CHST11: variants seen among roughly 807,000 people sequenced by gnomAD.
CHST11 encodes the protein C4S-1.
Under a neutral mutation model 30.4 loss-of-function variants are expected in CHST11, and 9 were observed. The ratio of observed to expected loss-of-function variants is 0.30; its 90% CI spans 0.18 to 0.52. CHST11 has a LOEUF of 0.52. Among genes scored for constraint, CHST11 ranks in the 20% least tolerant of loss-of-function variants. The probability of loss-of-function intolerance (pLI) is 0.97; values close to 1 mark genes in which losing one functional copy is unlikely to be tolerated. For missense variants in CHST11, 348 were observed against 460.6 expected (o/e 0.76, Z 2.24); for synonymous variants, 152 against 187.8 (o/e 0.81, Z 1.56).
chr12:104,669,131 A>G (rs1592828409), intron 2 of CHST11, among the ~76,000 whole-genome samples: 1 of 152,178 alleles, frequency 6.6e-6, no homozygotes, highest in African/African-American at 2.4e-5. Context: ...GGCTCGCACA[A>G]TCGCCCGCTG....
intron 1 of CHST11, among the ~76,000 whole-genome samples, chr12:104,501,111 T>G (rs2037849537): frequency 6.6e-6 from 1 of 152,164 alleles, no homozygotes; most frequent in Non-Finnish European, 1.5e-5. Flanking sequence ...TTTTTCTGCC[T>G]TATAAAAAAG....
chr12:104,466,124 T>A (rs1767943475), intron 1 of CHST11, among the ~76,000 whole-genome samples: 1 of 152,100 alleles, frequency 6.6e-6, no homozygotes, highest in Admixed American at 6.5e-5. Context: ...CCTCCCAAAA[T>A]GCTAGGATTA....
intron 1 of CHST11, among the ~76,000 whole-genome samples, chr12:104,485,910 G>A (rs888847930): frequency 2.0e-5 from 3 of 152,222 alleles, no homozygotes; most frequent in African/African-American, 7.2e-5. Flanking sequence ...AGGCGGCAGG[G>A]TGATTTAAGG....
At chr12:104,628,172 C>A (rs547971305) in intron 2 of CHST11, among the ~76,000 whole-genome samples, 13 of 152,226 alleles carry the variant, frequency 8.5e-5, no homozygotes, top group African/African-American at 2.9e-4. Context: ...ATCTCAGGGC[C>A]CCGACATTCG....
chr12:104,673,357 G>C (rs1178282073), intron 2 of CHST11, among the ~76,000 whole-genome samples: 4 of 152,174 alleles, frequency 2.6e-5, no homozygotes, highest in African/African-American at 9.7e-5. Flanking sequence ...GATTAACACT[G>C]ACTTGAGGCT....
chr12:104,749,260 C>A (rs905156286), intron 2 of CHST11, among the ~76,000 whole-genome samples: 1 of 152,194 alleles, frequency 6.6e-6, no homozygotes, highest in Non-Finnish European at 1.5e-5. Context: ...TGTGCATGTT[C>A]CTCTCCAAAC....
At chr12:104,469,240 G>A (rs1422402213) in intron 1 of CHST11, among the ~76,000 whole-genome samples, 1 of 152,156 alleles carries the variant, frequency 6.6e-6, no homozygotes, top group Non-Finnish European at 1.5e-5. Flanking sequence ...TCTGTCTGCC[G>A]TACTAACAGG....
Position 104,566,363 on chromosome 12 carries a change from G to A in CHST11, c.119-35543G>A, listed in dbSNP as rs1028877925. On this transcript the variant is annotated intron_variant, in intron 1 of 2. Coordinates refer to ENST00000303694, the MANE Select transcript of CHST11 (RefSeq NM_018413.6). The stretch of plus-strand genomic sequence containing the variant: ...CTCTTTCTTCTAAATTGCATCTAGC[G>A]GTTGGGGTGGGGGGGCGGTCTGCCT... 3.3e-5 allele frequency among the ~76,000 whole-genome samples: 5 copies of A among 152,160 alleles called. No homozygotes were observed. In the South Asian group the frequency reaches 6.2e-4, roughly 19 times the overall value.
intron 1 of CHST11, among the ~76,000 whole-genome samples, chr12:104,531,986 G>T (rs957931785): frequency 1.3e-5 from 2 of 152,204 alleles, no homozygotes; most frequent in Non-Finnish European, 2.9e-5. Context: ...CTTGCCCAGT[G>T]GCTCCTGCTA....
intron 1 of CHST11, among the ~76,000 whole-genome samples, chr12:104,544,145 AG>A (rs58183395): frequency 0.55 from 74,636 of 135,484 alleles, 22,849 homozygotes; most frequent in East Asian, 0.98. Flanking sequence ...AAAAAAAGAA[AG>A]AAAGAAAGAA....
At chr12:104,661,807 G>C (rs1332371349) in intron 2 of CHST11, among the ~76,000 whole-genome samples, 1 of 152,156 alleles carries the variant, frequency 6.6e-6, no homozygotes, top group Non-Finnish European at 1.5e-5. Flanking sequence ...ACCATACCCA[G>C]TGATGGGGTC....
At chr12:104,712,642 C>T (rs2040096792) in intron 2 of CHST11, among the ~76,000 whole-genome samples, 1 of 152,158 alleles carries the variant, frequency 6.6e-6, no homozygotes, top group Non-Finnish European at 1.5e-5. Context: ...CAGCTGTTAA[C>T]CCTCAGAACT....
intron 1 of CHST11, among the ~76,000 whole-genome samples, chr12:104,559,581 A>G (rs2038492668): frequency 6.6e-6 from 1 of 152,050 alleles, no homozygotes; most frequent in African/African-American, 2.4e-5. Context: ...CCTCTCTACT[A>G]AAAATACAAA....
chr12:104,657,871 G>A (rs184538112), intron 2 of CHST11, among the ~76,000 whole-genome samples: 2 of 152,290 alleles, frequency 1.3e-5, no homozygotes, highest in Non-Finnish European at 2.9e-5. Flanking sequence ...CTTGGCTCAA[G>A]CTGGAGCAGG....
intron 1 of CHST11, among the ~76,000 whole-genome samples, chr12:104,586,849 CT>C (rs778882665): frequency 2.0e-5 from 3 of 152,204 alleles, no homozygotes; most frequent in Non-Finnish European, 2.9e-5. Context: ...AGTGCTGTCT[CT>C]CTTGTTTTAT....
chr12:104,633,038 A>G (rs1295118842), intron 2 of CHST11, among the ~76,000 whole-genome samples: 4 of 152,222 alleles, frequency 2.6e-5, no homozygotes, highest in Non-Finnish European at 5.9e-5. Flanking sequence ...GAGCATGCTC[A>G]TGGGCAGGGA....
At chr12:104,716,786 A>G (rs1036741037) in intron 2 of CHST11, among the ~76,000 whole-genome samples, 4 of 152,246 alleles carry the variant, frequency 2.6e-5, no homozygotes, top group Admixed American at 6.5e-5. Flanking sequence ...CGAAGGAATC[A>G]TCTGGTACTA....
intron 2 of CHST11, among the ~76,000 whole-genome samples, chr12:104,724,260 G>A (rs960150872): frequency 1.3e-5 from 2 of 151,366 alleles, no homozygotes; most frequent in South Asian, 2.1e-4. Flanking sequence ...ACGGCACCCG[G>A]AGTAGTCAGG....
chr12:104,662,110 A>G (rs901483247), intron 2 of CHST11, among the ~76,000 whole-genome samples: 44 of 152,190 alleles, frequency 2.9e-4, no homozygotes, highest in Non-Finnish European at 4.4e-4. Flanking sequence ...CGTGTTGGTA[A>G]CAAGGCACCT....
Sources: gnomAD v4.1 joint callset for allele counts (sites outside exome capture counted in the v4.1 genomes callset) on GRCh38, gnomAD v4.1.1 for gene constraint, MANE v1.5 for transcripts, NCBI Gene and HGNC (gene_info 2026-07-23, HGNC 2026-07-21) for gene names.